Variants in DCLRE1C observed in about 807,000 individuals in gnomAD.
DCLRE1C encodes the protein DNA cross-link repair 1C, also known as protein artemis.
A neutral mutation model predicts 61.4 loss-of-function variants in DCLRE1C; 47 were observed. That is an observed-to-expected ratio of 0.77 (90% CI 0.61 to 0.98). The LOEUF (loss-of-function observed/expected upper bound fraction) is 0.98. Among genes scored for constraint, DCLRE1C ranks in the 50% least tolerant of loss-of-function variants. The pLI, the probability that DCLRE1C is intolerant of heterozygous loss-of-function variation, is 0.00. For synonymous variants in DCLRE1C, 337 were observed against 287.6 expected, an observed-to-expected ratio of 1.17 and a Z score of -1.74; for missense variants, 858 against 816.0, an observed-to-expected ratio of 1.05 and a Z score of -0.63.
intron 11 of DCLRE1C, among the ~76,000 whole-genome samples, chr10:14,924,346 T>C (rs1837604957): frequency 1.3e-5 from 2 of 152,228 alleles, no homozygotes; most frequent in African/African-American, 4.8e-5. Context: ...TTTGCAAAGT[T>C]CAGAATGCTA....
chr10:14,951,137 G>A (rs1169559237), intron 1 of DCLRE1C, among the ~76,000 whole-genome samples: 2 of 152,018 alleles, frequency 1.3e-5, no homozygotes, highest in Non-Finnish European at 2.9e-5. Context: ...CCAGCACTTT[G>A]GGAGGCTGAG....
At chr10:14,910,035 A>T (rs1280107730) in intron 13 of DCLRE1C, among the ~76,000 whole-genome samples, 1 of 152,214 alleles carries the variant, frequency 6.6e-6, no homozygotes. Flanking sequence ...AGTTAAATGC[A>T]CCCAAGACTA....
Position 14,908,429 on chromosome 10 carries a change from T to G in DCLRE1C, c.2058A>C (p.Lys686Asn). The G allele has an allele frequency of 6.2e-7, 1 of 1,613,918 alleles. No individual in the cohort carries two copies. Among genetic ancestry groups the G allele is most frequent in the East Asian group, 2.2e-5 (1 of 44,858 alleles). ...TGESIAVKKR[K>N]CSLLDT Reference sequence around the variant, plus strand: ...ATTCTTAGGTATCTAAGAGTGAGCATTTTCTTTTTTTGACTGCTATACTCT... The same window carrying G: ...ATTCTTAGGTATCTAAGAGTGAGCAGTTTCTTTTTTTGACTGCTATACTCT... Residue 686 changes from lysine to asparagine, a missense_variant, in exon 14 of 14, where the codon AAA (lysine) becomes AAC (asparagine). Transcript: ENST00000378278.
chr10:14,918,012 C>G (rs143672748), intron 13 of DCLRE1C, among the ~76,000 whole-genome samples: 30 of 152,272 alleles, frequency 2.0e-4, no homozygotes, highest in Middle Eastern at 3.4e-3. Context: ...TCTAACCATA[C>G]CAAGTATTGG....
chr10:14,939,755 C>T, intron 4 of DCLRE1C, 55 bp downstream of exon 4: 1 of 1,434,130 alleles, frequency 7.0e-7, no homozygotes, highest in East Asian at 2.4e-5. Flanking sequence ...GAAATATAAA[C>T]AATCATTTTA....
At chr10:14,901,560 T>A (rs995771555), downstream of DCLRE1C, among the ~76,000 whole-genome samples, 19 of 151,794 alleles carry the variant, frequency 1.3e-4, no homozygotes, top group Admixed American at 3.9e-4. Context: ...TTTTTTTTTT[T>A]AAATTGTGGG....
intron 13 of DCLRE1C, among the ~76,000 whole-genome samples, chr10:14,918,467 C>T (rs1025327125): frequency 3.3e-5 from 5 of 151,804 alleles, no homozygotes; most frequent in Non-Finnish European, 5.9e-5. Flanking sequence ...GGGTGAGAAC[C>T]GGAGGGAATT....
intron 8 of DCLRE1C, among the ~76,000 whole-genome samples, chr10:14,934,044 C>G (rs113567975): frequency 0.04 from 6,159 of 152,160 alleles, 202 homozygotes; most frequent in Non-Finnish European, 0.057. Context: ...AAAGAATGAA[C>G]AGACTGGGAA....
At chr10:14,920,155 A>G (rs1836862584) in intron 12 of DCLRE1C, among the ~76,000 whole-genome samples, 1 of 152,198 alleles carries the variant, frequency 6.6e-6, no homozygotes. Flanking sequence ...GAATGCAAAA[A>G]AAGCAGGTCC....
At chr10:14,945,653 CTTTTTTTT>C (rs148072088) in intron 2 of DCLRE1C, 25 of 274,364 alleles carry the variant, frequency 9.1e-5, no homozygotes, top group Non-Finnish European at 1.1e-4. Context: ...TAAGTCTATT[CTTTTTTTT>C]TTTTTTTTTT....
chr10:14,935,625 T>C lies in DCLRE1C; in HGVS notation c.363-61A>G, dbSNP rs1184322900. Reference sequence around the variant, plus strand: ...TCATATAAACTCCCAATAAAGCAAATACATGTGAGCTGCATACTAAATGCT... The same window carrying C: ...TCATATAAACTCCCAATAAAGCAAACACATGTGAGCTGCATACTAAATGCT... On this transcript the variant is annotated intron_variant, in intron 5 of 13. Transcript: ENST00000378278. 12 of 1,463,056 alleles carry C rather than the reference T, an allele frequency of 8.2e-6. No homozygotes were observed. The East Asian group carries it at 2.3e-4, about 28-fold the overall frequency. The allele number at this position is 1,463,056 out of a possible 1,614,324, so 90.6% of individuals were successfully genotyped here.
intron 13 of DCLRE1C, among the ~76,000 whole-genome samples, chr10:14,913,331 A>C (rs1175459917): frequency 6.6e-6 from 1 of 152,258 alleles, no homozygotes; most frequent in African/African-American, 2.4e-5. Context: ...TGATTGTACA[A>C]TTCTGTTATA....
chr10:14,901,543 G>GT (rs746052665), downstream of DCLRE1C, among the ~76,000 whole-genome samples: 1,496 of 146,388 alleles, frequency 0.01, 56 homozygotes, highest in East Asian at 0.14. Flanking sequence ...TGTACTACTT[G>GT]TCTTTTTTTT....
intron 11 of DCLRE1C, chr10:14,923,291 G>T (rs1837427464): frequency 1.9e-6 from 1 of 521,242 alleles, no homozygotes; most frequent in Non-Finnish European, 3.5e-6. Flanking sequence ...AGTGGGCCTA[G>T]AAATCAGTAC....
intron 1 of DCLRE1C, among the ~76,000 whole-genome samples, chr10:14,949,469 A>G (rs752421860): frequency 1.3e-5 from 2 of 152,220 alleles, no homozygotes; most frequent in Non-Finnish European, 2.9e-5. Flanking sequence ...CACTTAAATC[A>G]GTCTATCTAG....
chr10:14,900,622 T>C (rs1833940376), downstream of DCLRE1C, among the ~76,000 whole-genome samples: 1 of 152,250 alleles, frequency 6.6e-6, no homozygotes, highest in Admixed American at 6.5e-5. Context: ...TTTTCTTGCA[T>C]ATTCCGTAAG....
At position 14,899,598 on chromosome 10, in the gene DCLRE1C, G is replaced by C. The variant is rs190174096; in HGVS notation, c.1157-286C>G. 4 of 1,614,126 alleles carry C rather than the reference G, an allele frequency of 2.5e-6. No individual in the cohort carries two copies. In the Admixed American group the frequency reaches 6.7e-5, roughly 27 times the overall value. ...AGTTCTATGACAACAAGGGAATCAC[G>C]TATCTCTTTGATCTGGACTATGAGT... On this transcript the variant is annotated intron_variant, in intron 13 of 13. Transcript: ENST00000378289.
intron 13 of DCLRE1C, among the ~76,000 whole-genome samples, chr10:14,910,567 TAGAGGC>T (rs987561765): frequency 6.6e-6 from 1 of 152,176 alleles, no homozygotes; most frequent in Non-Finnish European, 1.5e-5. Flanking sequence ...TTGCTGGAAT[TAGAGGC>T]ATGAGCCACT....
At chr10:14,931,048 A>G (rs1335042901) in intron 9 of DCLRE1C, among the ~76,000 whole-genome samples, 1 of 152,226 alleles carries the variant, frequency 6.6e-6, no homozygotes, top group Non-Finnish European at 1.5e-5. Flanking sequence ...ATAGTGATCT[A>G]AATGAATAAA....
Sources: gnomAD v4.1 joint callset for allele counts (sites outside exome capture counted in the v4.1 genomes callset) on GRCh38, gnomAD v4.1.1 for gene constraint, MANE v1.5 for transcripts, NCBI Gene and HGNC (gene_info 2026-07-23, HGNC 2026-07-21) for gene names.